The following LHFPL6 variants were observed in gnomAD, a reference collection of about 807,000 sequenced individuals.
LHFPL6 encodes LHFPL tetraspan subfamily member 6.
A neutral mutation model predicts 20.6 loss-of-function variants in LHFPL6; 9 were observed. The observed-to-expected ratio is 0.44, with a 90% confidence interval of 0.26 to 0.76. The LOEUF (loss-of-function observed/expected upper bound fraction) is 0.76. Ranked by LOEUF, LHFPL6 falls within the 30% of genes least tolerant of loss-of-function variation. LHFPL6 has a pLI of 0.20. For synonymous variants in LHFPL6, 105 were observed against 98.7 expected (o/e 1.06, Z -0.38); for missense variants, 218 against 253.5 (o/e 0.86, Z 0.95).
intron 2 of LHFPL6, among the ~76,000 whole-genome samples, chr13:39,564,303 A>G (rs1871643611): frequency 6.6e-6 from 1 of 152,246 alleles, no homozygotes; most frequent in Admixed American, 6.5e-5. Flanking sequence ...TGCCAAGATT[A>G]AATGAGATGA....
intron 2 of LHFPL6, among the ~76,000 whole-genome samples, chr13:39,487,251 A>G (rs1429144379): frequency 6.6e-6 from 1 of 152,196 alleles, no homozygotes; most frequent in East Asian, 1.9e-4. Flanking sequence ...TCAAGAAACA[A>G]ATAGAGATAA....
At chr13:39,509,880 C>T (rs1249642925) in intron 2 of LHFPL6, among the ~76,000 whole-genome samples, 1 of 152,180 alleles carries the variant, frequency 6.6e-6, no homozygotes, top group African/African-American at 2.4e-5. Flanking sequence ...GGTGAGGCTG[C>T]AGTCAGCCAT....
At position 39,343,847 on chromosome 13, in the gene LHFPL6, A is replaced by G. The variant is rs186838569; in HGVS notation, c.*89T>C. 37 of 870,446 alleles carry G rather than the reference A, an allele frequency of 4.3e-5. No homozygotes were observed. The highest frequency in any genetic ancestry group is 6.6e-5 in the Non-Finnish European group (35 of 533,486). The allele number at this position is 870,446 out of a possible 1,614,324, so 53.9% of individuals were successfully genotyped here. On this transcript the variant is annotated 3_prime_UTR_variant, in exon 4 of 4. Transcript: ENST00000379589. The stretch of plus-strand genomic sequence containing the variant: ...AGCATTGTATTGGATTAGAACTACT[A>G]TCCCACCTTTTGAAGGTAGGTGGAT...
chr13:39,538,913 T>C (rs1157560778), intron 2 of LHFPL6, among the ~76,000 whole-genome samples: 7 of 152,198 alleles, frequency 4.6e-5, no homozygotes, highest in Non-Finnish European at 1.0e-4. Flanking sequence ...CTACTCCAGA[T>C]GGCAAACTTT....
intron 2 of LHFPL6, among the ~76,000 whole-genome samples, chr13:39,537,797 T>C (rs749615080): frequency 6.6e-6 from 1 of 151,794 alleles, no homozygotes; most frequent in Non-Finnish European, 1.5e-5. Context: ...CGCTACAAAA[T>C]TTCATGGAGT....
intron 2 of LHFPL6, among the ~76,000 whole-genome samples, chr13:39,426,357 A>C (rs1871637810): frequency 6.6e-6 from 1 of 151,704 alleles, no homozygotes. Context: ...AGTAGCAGGG[A>C]TTACAGGCAT....
intron 2 of LHFPL6, among the ~76,000 whole-genome samples, chr13:39,557,284 C>T (rs1871335546): frequency 6.6e-6 from 1 of 152,228 alleles, no homozygotes. Flanking sequence ...GCTCAGGACA[C>T]CACTTTAGAC....
At chr13:39,440,106 T>TAG (rs923048676) in intron 2 of LHFPL6, among the ~76,000 whole-genome samples, 4 of 151,766 alleles carry the variant, frequency 2.6e-5, no homozygotes, top group African/African-American at 7.3e-5. Context: ...TTTAAAAGGG[T>TAG]AGAGAGAGAG....
intron 2 of LHFPL6, among the ~76,000 whole-genome samples, chr13:39,495,281 T>G (rs1869060731): frequency 6.6e-6 from 1 of 152,242 alleles, no homozygotes; most frequent in Non-Finnish European, 1.5e-5. Flanking sequence ...TACTGGTCTT[T>G]CAGAACCTCT....
chr13:39,361,684 T>C (rs1019427149), intron 3 of LHFPL6, among the ~76,000 whole-genome samples: 1 of 152,196 alleles, frequency 6.6e-6, no homozygotes, highest in African/African-American at 2.4e-5. Context: ...ACCGTAAGCA[T>C]AAAGAAAGTC....
chr13:39,535,662 C>T (rs1298145490), intron 2 of LHFPL6, among the ~76,000 whole-genome samples: 1 of 152,182 alleles, frequency 6.6e-6, no homozygotes, highest in Admixed American at 6.5e-5. Context: ...TACTAGCTAT[C>T]ATTTTTTACC....
At chr13:39,361,595 C>T (rs1036487313) in intron 3 of LHFPL6, among the ~76,000 whole-genome samples, 6 of 152,170 alleles carry the variant, frequency 3.9e-5, no homozygotes, top group East Asian at 1.9e-4. Flanking sequence ...GGATTACAGG[C>T]GTGAGCCACC....
intron 2 of LHFPL6, among the ~76,000 whole-genome samples, chr13:39,549,835 C>A (rs73466853): frequency 0.017 from 2,635 of 151,990 alleles, 87 homozygotes; most frequent in African/African-American, 0.061. Context: ...TACTACTCAG[C>A]AATAAAAGGA....
chr13:39,434,466 T>G (rs1203037284), intron 2 of LHFPL6, among the ~76,000 whole-genome samples: 1 of 152,224 alleles, frequency 6.6e-6, no homozygotes, highest in Non-Finnish European at 1.5e-5. Context: ...CTTTGCATAT[T>G]ATATATGTTA....
At chr13:39,400,208 A>C (rs1449536648) in intron 2 of LHFPL6, among the ~76,000 whole-genome samples, 3 of 152,244 alleles carry the variant, frequency 2.0e-5, no homozygotes, top group Non-Finnish European at 4.4e-5. Context: ...GGTGGCAATA[A>C]TGTGCACCTC....
intron 2 of LHFPL6, among the ~76,000 whole-genome samples, chr13:39,594,852 C>G (rs1872719139): frequency 6.6e-6 from 1 of 152,128 alleles, no homozygotes; most frequent in Admixed American, 6.6e-5. Flanking sequence ...TCATTCTCAG[C>G]AAACGATCGC....
intron 2 of LHFPL6, among the ~76,000 whole-genome samples, chr13:39,484,031 A>G (rs574971123): frequency 6.6e-6 from 1 of 152,192 alleles, no homozygotes; most frequent in Non-Finnish European, 1.5e-5. Context: ...CCTCATCTAC[A>G]TAAGTATTGG....
intron 2 of LHFPL6, among the ~76,000 whole-genome samples, chr13:39,584,293 G>A (rs1215994266): frequency 1.3e-5 from 2 of 152,106 alleles, no homozygotes; most frequent in Non-Finnish European, 2.9e-5. Context: ...TGTAATCCCA[G>A]CACTTTGGGA....
At chr13:39,382,941 G>GA (rs1461049015) in intron 2 of LHFPL6, among the ~76,000 whole-genome samples, 1 of 151,974 alleles carries the variant, frequency 6.6e-6, no homozygotes, top group Non-Finnish European at 1.5e-5. Context: ...ACATTTCTGG[G>GA]AAAAAAATGT....
Sources: gnomAD v4.1 joint callset for allele counts (sites outside exome capture counted in the v4.1 genomes callset) on GRCh38, gnomAD v4.1.1 for gene constraint, MANE v1.5 for transcripts, NCBI Gene and HGNC (gene_info 2026-07-23, HGNC 2026-07-21) for gene names.